The following MTPAP variants were observed in gnomAD, a reference collection of about 807,000 sequenced individuals.
MTPAP encodes poly(A) RNA polymerase, mitochondrial.
A neutral mutation model predicts 48.7 loss-of-function variants in MTPAP; 23 were observed. The ratio of observed to expected loss-of-function variants is 0.47; its 90% CI spans 0.34 to 0.67. MTPAP has a LOEUF of 0.67. MTPAP is among the 30% of genes least tolerant of loss of function. The probability of loss-of-function intolerance (pLI) is 0.01; values close to 1 mark genes in which losing one functional copy is unlikely to be tolerated. For missense variants in MTPAP, 614 were observed against 694.3 expected, an observed-to-expected ratio of 0.88 and a Z score of 1.30; for synonymous variants, 257 against 254.1, an observed-to-expected ratio of 1.01 and a Z score of -0.11.
intron 1 of MTPAP, 35 bp from the exon 2 acceptor site, chr10:30,341,675 A>G: frequency 6.2e-7 from 1 of 1,610,658 alleles, no homozygotes; most frequent in Non-Finnish European, 8.5e-7. Context: ...CACCACACGC[A>G]CACACACAAA....
chr10:30,333,246 G>A (rs983698192), intron 4 of MTPAP, among the ~76,000 whole-genome samples: 10 of 152,172 alleles, frequency 6.6e-5, no homozygotes, highest in African/African-American at 2.4e-4. Flanking sequence ...TTATATTGCT[G>A]TTGATGGTGG....
At position 30,313,420 on chromosome 10, in the gene MTPAP, G is replaced by C; in HGVS notation, c.*189C>G. Reference sequence around the variant, plus strand: ...GCTGATGTTTTAATAAAGTGCCACTGAGTATCAGACTGATCAAACTGAAAA... The same window carrying C: ...GCTGATGTTTTAATAAAGTGCCACTCAGTATCAGACTGATCAAACTGAAAA... On this transcript the variant is annotated 3_prime_UTR_variant, in exon 9 of 9. Coordinates refer to ENST00000263063, the MANE Select transcript of MTPAP (RefSeq NM_018109.4). The C allele has an allele frequency of 1.4e-6, 1 of 724,616 alleles. No homozygotes were observed. Among genetic ancestry groups the C allele is most frequent in the Admixed American group, 2.6e-5 (1 of 38,910 alleles). The allele number at this position is 724,616 out of a possible 1,614,324, so 44.9% of individuals were successfully genotyped here. A position where few individuals can be genotyped will look rare whatever the true frequency, so the allele number is the denominator to read the frequency against.
chr10:30,311,902 C>T lies in MTPAP; in HGVS notation c.*1707G>A, dbSNP rs1840597435. ...GTGGCTCACGCCTGTAATTCCAACA[C>T]TTTGGAAGGCCAAGGTGGGCGATCA... On this transcript the variant is annotated 3_prime_UTR_variant, in exon 9 of 9. Coordinates refer to ENST00000263063, the MANE Select transcript of MTPAP (RefSeq NM_018109.4). The T allele has an allele frequency of 2.0e-5, 3 of 152,594 alleles. No individual in the cohort carries two copies. The highest frequency in any genetic ancestry group is 4.4e-5 in the Non-Finnish European group (3 of 68,348). The allele number at this position is 152,594 out of a possible 1,614,324, so 9.5% of individuals were successfully genotyped here.
chr10:30,345,541 G>A (rs1474996922), intron 1 of MTPAP, among the ~76,000 whole-genome samples: 2 of 152,186 alleles, frequency 1.3e-5, no homozygotes, highest in African/African-American at 2.4e-5. Context: ...ATCTAAAGCC[G>A]TAAACAACAG....
intron 5 of MTPAP, among the ~76,000 whole-genome samples, chr10:30,324,247 G>A (rs1013733987): frequency 6.6e-6 from 1 of 152,164 alleles, no homozygotes; most frequent in African/African-American, 2.4e-5. Flanking sequence ...GCTGGGCACT[G>A]TGGCTCACGC....
At chr10:30,314,013 A>G in intron 8 of MTPAP, 42 bp from the exon 9 acceptor site, 1 of 1,594,826 alleles carries the variant, frequency 6.3e-7, no homozygotes. Flanking sequence ...TAAGTACATG[A>G]AGGGCTTAAA....
chr10:30,333,079 C>T lies in MTPAP; in HGVS notation c.780+3724G>A, dbSNP rs1014378609. ...GAGCTTGCAGTGAGCCGAGATGGCA[C>T]CGCTGCACTCCAGCCTGGGAGACAG... On this transcript the variant is annotated intron_variant, in intron 4 of 8. Coordinates refer to ENST00000263063, the MANE Select transcript of MTPAP (RefSeq NM_018109.4). Among the ~76,000 whole-genome samples, 193 of 151,958 alleles carry T rather than the reference C, an allele frequency of 1.3e-3. 2 individuals are homozygous for T. Among genetic ancestry groups the T allele is most frequent in the African/African-American group, 4.5e-3 (186 of 41,448 alleles).
At chr10:30,341,960 C>T (rs1012896741) in intron 1 of MTPAP, among the ~76,000 whole-genome samples, 4 of 152,076 alleles carry the variant, frequency 2.6e-5, no homozygotes, top group Admixed American at 6.6e-5. Context: ...AACAACGGGC[C>T]GGGCTTGGTG....
intron 4 of MTPAP, 49 bp from the exon 5 acceptor site, chr10:30,326,684 A>AT (rs1588715412): frequency 4.2e-6 from 6 of 1,414,788 alleles, no homozygotes; most frequent in East Asian, 2.3e-5. Context: ...AAAAAAAACA[A>AT]TTTTTTAATA....
intron 4 of MTPAP, among the ~76,000 whole-genome samples, chr10:30,334,843 G>C (rs906856485): frequency 3.9e-5 from 6 of 152,026 alleles, no homozygotes; most frequent in African/African-American, 1.4e-4. Flanking sequence ...AAAGACTGAA[G>C]GTTAAAATAT....
intron 4 of MTPAP, among the ~76,000 whole-genome samples, chr10:30,327,677 C>A (rs1834614901): frequency 6.6e-6 from 1 of 151,768 alleles, no homozygotes. Context: ...GAAACCCCGT[C>A]TCTACTAAAA....
At position 30,312,569 on chromosome 10, in the gene MTPAP, CAAAAAAAAAAAA is replaced by C. The variant is rs61386643; in HGVS notation, c.*1028_*1039del. 1.2e-5 allele frequency: 1 copy of C among 85,668 alleles called. No homozygotes were observed. Among genetic ancestry groups the C allele is most frequent in the Non-Finnish European group, 2.4e-5 (1 of 40,892 alleles). 5.3% of individuals were successfully genotyped at this position (85,668 alleles called of 1,614,324 possible). ...TGGGCGACAGAGCGAGACTCTGTCTCAAAAAAAAAAAAAAAAAAAAAAGAAAGAAAGAAAATA... is the reference window on the plus strand; with the variant it reads ...TGGGCGACAGAGCGAGACTCTGTCTCAAAAAAAAAAGAAAGAAAGAAAATA... On this transcript the variant is annotated 3_prime_UTR_variant, in exon 9 of 9. Transcript: ENST00000263063.
chr10:30,337,937 G>A (rs1485314998), intron 3 of MTPAP, among the ~76,000 whole-genome samples: 3 of 152,018 alleles, frequency 2.0e-5, no homozygotes, highest in Non-Finnish European at 4.4e-5. Flanking sequence ...AAAAAAAATC[G>A]TAACTTCAAA....
intron 6 of MTPAP, among the ~76,000 whole-genome samples, chr10:30,319,103 A>C (rs1564518572): frequency 6.6e-6 from 1 of 152,176 alleles, no homozygotes; most frequent in Non-Finnish European, 1.5e-5. Context: ...TTCAGGCAAA[A>C]GCATGGAGCA....
intron 4 of MTPAP, among the ~76,000 whole-genome samples, chr10:30,330,298 T>C (rs1834650410): frequency 4.6e-5 from 7 of 152,204 alleles, no homozygotes. Context: ...TCCCTGTCCA[T>C]TCTCTTTTAA....
chr10:30,336,565 T>C (rs753549160), intron 4 of MTPAP, among the ~76,000 whole-genome samples: 9 of 152,154 alleles, frequency 5.9e-5, no homozygotes, highest in Non-Finnish European at 1.2e-4. Context: ...TTCTGAACAC[T>C]TGAAAACAAT....
intron 4 of MTPAP, among the ~76,000 whole-genome samples, chr10:30,329,239 A>T (rs1834635813): frequency 6.7e-6 from 1 of 149,848 alleles, no homozygotes; most frequent in Non-Finnish European, 1.5e-5. Context: ...CAGAGTGAGA[A>T]TCCAAAAAAA....
intron 5 of MTPAP, among the ~76,000 whole-genome samples, chr10:30,325,519 G>A (rs1258886788): frequency 2.0e-5 from 3 of 152,158 alleles, no homozygotes; most frequent in South Asian, 2.1e-4. Context: ...GGCCAAAGCA[G>A]GCAGATCACT....
chr10:30,340,115 T>C, intron 3 of MTPAP, 111 bp downstream of exon 3: 1 of 928,458 alleles, frequency 1.1e-6, no homozygotes, highest in Non-Finnish European at 1.7e-6. Context: ...CTTGTAAAAC[T>C]GAAGATCTAT....
Sources: allele counts gnomAD v4.1 joint callset (sites outside exome capture counted in the v4.1 genomes callset), GRCh38; gene constraint gnomAD v4.1.1; transcripts MANE v1.5; gene names NCBI Gene and HGNC (gene_info 2026-07-23, HGNC 2026-07-21).